GSG1L2: variants seen among roughly 807,000 people sequenced by gnomAD.
GSG1L2 encodes the protein GSG1 like 2, also known as germ cell-specific gene 1-like protein 2.
A neutral mutation model predicts 9.0 loss-of-function variants in GSG1L2; 15 were observed. That is an observed-to-expected ratio of 1.67 (90% CI 1.12 to 2.57). The LOEUF (loss-of-function observed/expected upper bound fraction) is 2.57. Among genes scored for constraint, GSG1L2 ranks in the 30% most tolerant of loss-of-function variants. The pLI, the probability that GSG1L2 is intolerant of heterozygous loss-of-function variation, is 0.00. For missense variants in GSG1L2, 286 were observed against 150.3 expected (o/e 1.90, Z -4.72); for synonymous variants, 127 against 57.9 (o/e 2.19, Z -5.41).
In GSG1L2 at chr17:9,802,170, C is replaced by T. The variant is rs1037935066; in HGVS notation, c.*216G>A. ...CTAGAGTGTCAATGGTTGATATCTT[C>T]AGTAAGCATTATCTCACTTCAAGGT... On this transcript the variant is annotated 3_prime_UTR_variant, in exon 5 of 5. Transcript: ENST00000399363. Among the ~76,000 whole-genome samples the T allele has an allele frequency of 2.0e-5, 3 of 152,156 alleles. No individual in the cohort carries two copies. Among genetic ancestry groups the T allele is most frequent in the African/African-American group, 7.2e-5 (3 of 41,430 alleles).
chr17:9,813,154 G>A (rs1689442780), intron 1 of GSG1L2, among the ~76,000 whole-genome samples: 1 of 152,174 alleles, frequency 6.6e-6, no homozygotes, highest in Non-Finnish European at 1.5e-5. Flanking sequence ...TACGCTTCTG[G>A]CAGTGCATGT....
At position 9,801,918 on chromosome 17, in the gene GSG1L2, A is replaced by G. The variant is rs746579680; in HGVS notation, c.*468T>C. 6.6e-6 allele frequency among the ~76,000 whole-genome samples: 1 copy of G among 152,252 alleles called. No individual in the cohort carries two copies. Among genetic ancestry groups the G allele is most frequent in the Admixed American group, 6.5e-5 (1 of 15,278 alleles). ...TGTCTTCTTGATTCAAATGAAAAAG[A>G]AAGTATGACATAGCCACACATACTT... is the stretch of plus-strand genomic sequence containing the variant. On this transcript the variant is annotated 3_prime_UTR_variant, in exon 5 of 5. Transcript: ENST00000399363.
intron 1 of GSG1L2, among the ~76,000 whole-genome samples, chr17:9,818,714 G>A (rs1395417562): frequency 6.6e-6 from 1 of 151,862 alleles, no homozygotes; most frequent in Admixed American, 6.6e-5. Context: ...CAAAAGAACA[G>A]GGCTAAACTA....
At chr17:9,818,498 T>C (rs2066576359) in intron 1 of GSG1L2, among the ~76,000 whole-genome samples, 1 of 130,360 alleles carries the variant, frequency 7.7e-6, no homozygotes, top group Non-Finnish European at 1.6e-5. Context: ...CACACACAGC[T>C]AAATTTTTTT....
chr17:9,817,171 T>C (rs2066571089), intron 1 of GSG1L2, among the ~76,000 whole-genome samples: 3 of 152,234 alleles, frequency 2.0e-5, no homozygotes, highest in Admixed American at 2.0e-4. Context: ...ACCTGTGTAG[T>C]GTTTGTGTGA....
intron 2 of GSG1L2, chr17:9,809,286 C>A (rs1448804527): frequency 1.8e-5 from 7 of 388,924 alleles, no homozygotes; most frequent in Non-Finnish European, 2.4e-5. Context: ...AGCTCAAAAA[C>A]TACCATTGTG....
rs1410791883 is a variant in GSG1L2, at chr17:9,801,824, T to C, written c.*562A>G. 6.6e-6 allele frequency among the ~76,000 whole-genome samples: 1 copy of C among 152,176 alleles called. No homozygotes were observed. Among genetic ancestry groups the C allele is most frequent in the Non-Finnish European group, 1.5e-5 (1 of 68,030 alleles). ...CTGTCCTTCCAAACTGATTTTACTATGAGTAGAAACACAAAATTTCCAAGA... is the reference window on the plus strand; with the variant it reads ...CTGTCCTTCCAAACTGATTTTACTACGAGTAGAAACACAAAATTTCCAAGA... On this transcript the variant is annotated 3_prime_UTR_variant, in exon 5 of 5. Transcript: ENST00000399363.
intron 1 of GSG1L2, among the ~76,000 whole-genome samples, chr17:9,811,994 T>C (rs903347426): frequency 2.6e-5 from 4 of 152,084 alleles, no homozygotes; most frequent in Non-Finnish European, 5.9e-5. Flanking sequence ...TTATCACTTA[T>C]CACTTATCAC....
intron 3 of GSG1L2, among the ~76,000 whole-genome samples, chr17:9,808,622 T>C (rs2066525203): frequency 6.6e-6 from 1 of 152,188 alleles, no homozygotes; most frequent in Admixed American, 6.5e-5. Context: ...ACTTTCTATC[T>C]GTGCCTAGCC....
At chr17:9,816,896 CTGTGTGTGTGTATCTGTGTG>C (rs2066569035) in intron 1 of GSG1L2, among the ~76,000 whole-genome samples, 2 of 134,854 alleles carry the variant, frequency 1.5e-5, no homozygotes, top group African/African-American at 2.8e-5. Flanking sequence ...GTGTGTGTAT[CTGTGTGTGTGTATCTGTGTG>C]TGTGTGTGTG....
rs66469209 is a variant in GSG1L2, at chr17:9,820,480, T to G, written c.310+1282A>C. On this transcript the variant is annotated intron_variant, in intron 1 of 4. Transcript: ENST00000399363. The surrounding 1 kb of genome is among the most constrained non-coding windows in gnomAD (Gnocchi z 4.9). Reference sequence around the variant, plus strand: ...GCACTCCCTGAGAAGCGAGGAACTGTGGAGGTCCTAAATAGCCTTAGCTCC... The same window carrying G: ...GCACTCCCTGAGAAGCGAGGAACTGGGGAGGTCCTAAATAGCCTTAGCTCC... Among the ~76,000 whole-genome samples, 84,418 of 151,568 alleles carry G rather than the reference T, an allele frequency of 0.56. 25,811 individuals carry two copies. The highest frequency in any genetic ancestry group is 0.96 in the East Asian group (4,889 of 5,108).
At chr17:9,816,517 C>A (rs112673562) in intron 1 of GSG1L2, among the ~76,000 whole-genome samples, 3 of 41,100 alleles carry the variant, frequency 7.3e-5, no homozygotes, top group African/African-American at 2.0e-4. Flanking sequence ...TCTGTGTGTG[C>A]GTGTCTGTGT....
At chr17:9,821,066 T>TA (rs1216554321) in intron 1 of GSG1L2, among the ~76,000 whole-genome samples, 1 of 152,124 alleles carries the variant, frequency 6.6e-6, no homozygotes, top group African/African-American at 2.4e-5. Flanking sequence ...CAGAAAAAGT[T>TA]AAAAAACTGT....
intron 1 of GSG1L2, among the ~76,000 whole-genome samples, chr17:9,817,707 G>A (rs1035716024): frequency 6.6e-6 from 1 of 152,036 alleles, no homozygotes; most frequent in Non-Finnish European, 1.5e-5. Flanking sequence ...TTACAGATGT[G>A]AGCCACCATA....
At position 9,808,827 on chromosome 17, in the gene GSG1L2, T is replaced by C; in HGVS notation, c.511+3A>G. On this transcript the variant is annotated splice_donor_region_variant and intron_variant, in intron 3 of 4. Transcript: ENST00000399363. ...CTGTTCCAAGGATGCTGTTGGAAAG[T>C]ACCTGCCAGCACCATGAAGATGGCT... 1.4e-6 allele frequency: 1 copy of C among 702,810 alleles called. No individual in the cohort carries two copies. Among genetic ancestry groups the C allele is most frequent in the East Asian group, 2.7e-5 (1 of 37,268 alleles). 43.5% of individuals were successfully genotyped at this position (702,810 alleles called of 1,614,324 possible). A position where few individuals can be genotyped will look rare whatever the true frequency, so the allele number is the denominator to read the frequency against.
chr17:9,821,963 G>A lies in GSG1L2; in HGVS notation c.109C>T (p.Arg37Trp), dbSNP rs116486207. The A allele has an allele frequency of 9.2e-4, 644 of 703,088 alleles. 5 individuals are homozygous for A. In the African/African-American group the frequency reaches 0.01, roughly 11 times the overall value. 43.6% of individuals were successfully genotyped at this position (703,088 alleles called of 1,614,324 possible). The change falls in exon 1 of 5, where the codon CGG (arginine) becomes TGG (tryptophan). Residue 37 changes from arginine to tryptophan, a missense_variant. Coordinates refer to ENST00000399363, the MANE Select transcript of GSG1L2 (RefSeq NM_001310219.2). The part of the protein sequence containing the change: ...VSSHWCEGTR[R>W]VVKPLCQDQP... ...TCCTGGCACAGTGGCTTCACCACCC[G>A]TCGGGTCCCCTCACACCAGTGGCTG...
At chr17:9,817,822 A>T (rs769190479) in intron 1 of GSG1L2, among the ~76,000 whole-genome samples, 8 of 152,062 alleles carry the variant, frequency 5.3e-5, no homozygotes, top group Non-Finnish European at 4.4e-5. Flanking sequence ...GTCTCAGGTG[A>T]CATGGAAAAG....
intron 1 of GSG1L2, among the ~76,000 whole-genome samples, chr17:9,816,669 G>A (rs2066565100): frequency 8.9e-5 from 6 of 67,442 alleles, no homozygotes; most frequent in Non-Finnish European, 2.0e-4. Context: ...GTGTGCGTGT[G>A]TGTCTGTGTG....
chr17:9,821,876 C>A lies in GSG1L2; in HGVS notation c.196G>T (p.Asp66Tyr), dbSNP rs1357044845. 2 of 703,312 alleles carry A rather than the reference C, an allele frequency of 2.8e-6. No homozygotes were observed. Among genetic ancestry groups the A allele is most frequent in the Middle Eastern group, 2.3e-4 (1 of 4,372 alleles). The allele number at this position is 703,312 out of a possible 1,614,324, so 43.6% of individuals were successfully genotyped here. A position where few individuals can be genotyped will look rare whatever the true frequency, so the allele number is the denominator to read the frequency against. Reference protein sequence around the residue: ...KRDNSSNGRMDNNSQAVLYIW... With the variant: ...KRDNSSNGRMYNNSQAVLYIW... The stretch of plus-strand genomic sequence containing the variant: ...TACAGGACAGCCTGGCTATTGTTGT[C>A]CATCCTGCCATTGCTGCTGTTGTCC... Residue 66 changes from aspartate to tyrosine, a missense_variant, in exon 1 of 5, where the codon GAC (aspartate) becomes TAC (tyrosine). Physicochemically the swap from Asp to Tyr is radical, Grantham distance 160. Coordinates refer to ENST00000399363, the MANE Select transcript of GSG1L2 (RefSeq NM_001310219.2).
Sources: gnomAD v4.1 joint callset for allele counts (sites outside exome capture counted in the v4.1 genomes callset) on GRCh38, gnomAD v4.1.1 for gene constraint, Gnocchi (gnomAD v3.1) non-coding constraint, MANE v1.5 for transcripts, NCBI Gene and HGNC (gene_info 2026-07-23, HGNC 2026-07-21) for gene names.